The following HDAC9 variants were observed in gnomAD, a reference collection of about 807,000 sequenced individuals.
The protein encoded by HDAC9 is MEF-2 interacting transcription repressor (MITR) protein.
HDAC9 carries 41 observed loss-of-function variants against 139.4 expected under a neutral mutation model. The ratio of observed to expected loss-of-function variants is 0.29; its 90% CI spans 0.23 to 0.38. The LOEUF is 0.38. Ranked by LOEUF, HDAC9 falls within the 10% of genes least tolerant of loss-of-function variation. HDAC9 has a pLI of 1.00. For synonymous variants in HDAC9, 517 were observed against 476.2 expected (o/e 1.09, Z -1.12); for missense variants, 1,147 against 1,297.0 (o/e 0.88, Z 1.78).
At chr7:18,793,305 T>C (rs1253557435) in intron 16 of HDAC9, 40 bp from the exon 17 acceptor site, 1 of 1,386,550 alleles carries the variant, frequency 7.2e-7, no homozygotes, top group Non-Finnish European at 1.0e-6. Context: ...CTCTTTCGCT[T>C]TCTTCTTCTG....
chr7:18,884,878 C>A (rs1386267924), intron 22 of HDAC9, among the ~76,000 whole-genome samples: 1 of 152,302 alleles, frequency 6.6e-6, no homozygotes, highest in South Asian at 2.1e-4. Context: ...CACAACAAAT[C>A]TCTCCTCCTC....
chr7:18,658,584 A>G (rs1217230251), intron 11 of HDAC9, among the ~76,000 whole-genome samples: 5 of 152,194 alleles, frequency 3.3e-5, no homozygotes, highest in Non-Finnish European at 5.9e-5. Flanking sequence ...TAATGAACCA[A>G]TATTTAGAAA....
At chr7:18,404,639 C>G (rs779075083) in intron 1 of HDAC9, among the ~76,000 whole-genome samples, 1 of 152,122 alleles carries the variant, frequency 6.6e-6, no homozygotes, top group Non-Finnish European at 1.5e-5. Flanking sequence ...TAAATCTTCA[C>G]TTAATCATTG....
rs563249548 is a variant in HDAC9, at chr7:19,001,056, T to G, written c.*4994T>G. On this transcript the variant is annotated 3_prime_UTR_variant, in exon 26 of 26. Transcript: ENST00000686413. ...AGTTATTGTATTTTGGTCTACAATT[T>G]TGGACTTGGCAGTTTGTTTTACTAA... 1 of 152,342 alleles carries G rather than the reference T, an allele frequency of 6.6e-6. No homozygotes were observed. The highest frequency in any genetic ancestry group is 1.5e-5 in the Non-Finnish European group (1 of 68,012). 9.4% of individuals were successfully genotyped at this position (152,342 alleles called of 1,614,324 possible). A position where few individuals can be genotyped will look rare whatever the true frequency, so the allele number is the denominator to read the frequency against.
chr7:18,329,446 G>A (rs1187571145), intron 1 of HDAC9, among the ~76,000 whole-genome samples: 1 of 150,972 alleles, frequency 6.6e-6, no homozygotes, highest in Non-Finnish European at 1.5e-5. Flanking sequence ...TTATTTGTCA[G>A]TTAAAATAAA....
chr7:18,416,371 GT>G (rs1314334632), intron 1 of HDAC9, among the ~76,000 whole-genome samples: 11 of 152,190 alleles, frequency 7.2e-5, no homozygotes, highest in Middle Eastern at 3.4e-3. Context: ...ATTTTCTGTA[GT>G]TTTTTTGTAA....
chr7:18,939,459 A>G (rs1160940247), intron 23 of HDAC9, among the ~76,000 whole-genome samples: 1 of 152,194 alleles, frequency 6.6e-6, no homozygotes, highest in Non-Finnish European at 1.5e-5. Flanking sequence ...GAAAAAGGAA[A>G]TGAAAATATA....
At chr7:18,991,525 T>G (rs11973076) in intron 25 of HDAC9, among the ~76,000 whole-genome samples, 1 of 151,802 alleles carries the variant, frequency 6.6e-6, no homozygotes, top group Non-Finnish European at 1.5e-5. Flanking sequence ...TAGTCCCAGC[T>G]GCTCAGGAGG....
chr7:18,162,252 T>C (rs189145267), exon 2 of HDAC9: 5 of 1,392,558 alleles, frequency 3.6e-6, no homozygotes, highest in East Asian at 5.0e-5. Flanking sequence ...CAACCCCTCC[T>C]GGACCATTGT....
chr7:18,315,497 A>G (rs1189980482), intron 1 of HDAC9, among the ~76,000 whole-genome samples: 2 of 152,214 alleles, frequency 1.3e-5, no homozygotes, highest in Non-Finnish European at 2.9e-5. Flanking sequence ...TTCACTGCAT[A>G]TTAGTTAACA....
At chr7:18,566,597 G>T (rs1330742434) in intron 2 of HDAC9, among the ~76,000 whole-genome samples, 1 of 152,150 alleles carries the variant, frequency 6.6e-6, no homozygotes, top group Non-Finnish European at 1.5e-5. Context: ...TACCTCCCTG[G>T]TTTTATTTGT....
intron 2 of HDAC9, among the ~76,000 whole-genome samples, chr7:18,198,903 A>T (rs1441053732): frequency 1.3e-5 from 2 of 152,116 alleles, no homozygotes; most frequent in Non-Finnish European, 2.9e-5. Context: ...TTTTGCCCCC[A>T]GGATCATGCG....
rs1170916382 is a variant in HDAC9 at position 19,001,468 on chromosome 7, T to C, written c.*5406T>C. On this transcript the variant is annotated 3_prime_UTR_variant, in exon 26 of 26. Transcript: ENST00000686413. ...GATGCCCCTTCTTGGAGTTGGCATT[T>C]TGTGACAATTCATAGAGATCTTGCA... 1 of 151,986 alleles carries C rather than the reference T, an allele frequency of 6.6e-6. No homozygotes were observed. The highest frequency in any genetic ancestry group is 2.4e-5 in the African/African-American group (1 of 41,408). 9.4% of individuals were successfully genotyped at this position (151,986 alleles called of 1,614,324 possible).
At chr7:18,258,251 ACTAT>A (rs1474466779) in intron 2 of HDAC9, among the ~76,000 whole-genome samples, 1 of 152,218 alleles carries the variant, frequency 6.6e-6, no homozygotes, top group Non-Finnish European at 1.5e-5. Flanking sequence ...ACATTCAGTT[ACTAT>A]CTAATATGGG....
At chr7:18,835,240 C>G (rs1419906014) in intron 19 of HDAC9, among the ~76,000 whole-genome samples, 7 of 151,834 alleles carry the variant, frequency 4.6e-5, no homozygotes, top group Admixed American at 2.0e-4. Flanking sequence ...TTTTTAGAAG[C>G]CAGTTTAAAA....
At chr7:18,978,966 A>C (rs1173501729) in intron 25 of HDAC9, among the ~76,000 whole-genome samples, 1 of 152,120 alleles carries the variant, frequency 6.6e-6, no homozygotes, top group African/African-American at 2.4e-5. Flanking sequence ...TTTAACTAAC[A>C]CAAAAACCAA....
intron 22 of HDAC9, among the ~76,000 whole-genome samples, chr7:18,877,658 A>C (rs1483769094): frequency 6.6e-6 from 1 of 152,216 alleles, no homozygotes; most frequent in East Asian, 1.9e-4. Context: ...GAAAAGAGAA[A>C]TGAAGTCAAA....
chr7:18,792,144 A>G (rs1792369374), intron 16 of HDAC9, among the ~76,000 whole-genome samples: 1 of 151,942 alleles, frequency 6.6e-6, no homozygotes, highest in Non-Finnish European at 1.5e-5. Context: ...TAAGAACCTC[A>G]TGAGAAAAAG....
At position 18,313,693 on chromosome 7, in the gene HDAC9, C is replaced by G. The variant is rs902703110; in HGVS notation, c.-42+23178C>G. Among the ~76,000 whole-genome samples, 5 of 152,160 alleles carry G rather than the reference C, an allele frequency of 3.3e-5. No homozygotes were observed. In the South Asian group the frequency reaches 1.0e-3, roughly 32 times the overall value. On this transcript the variant is annotated intron_variant, in intron 1 of 3. Transcript: ENST00000413509. ...ACTAACAATTTAATTTAAAATGCTACTCTTGAATATTTTATAAACCACTGG... is the reference window on the plus strand; with the variant it reads ...ACTAACAATTTAATTTAAAATGCTAGTCTTGAATATTTTATAAACCACTGG...
Sources: allele counts gnomAD v4.1 joint callset (sites outside exome capture counted in the v4.1 genomes callset), GRCh38; gene constraint gnomAD v4.1.1; transcripts MANE v1.5; gene names NCBI Gene and HGNC (gene_info 2026-07-23, HGNC 2026-07-21).